The following ADH1A variants were observed in gnomAD, a reference collection of about 807,000 sequenced individuals.
ADH1A encodes the protein alcohol dehydrogenase 1A (class I), alpha polypeptide, also known as alcohol dehydrogenase 1A.
In ADH1A, 29 loss-of-function variants were observed where a neutral mutation model predicts 35.2. That is an observed-to-expected ratio of 0.82 (90% confidence interval 0.61 to 1.12). ADH1A has a LOEUF of 1.12. Among genes scored for constraint, ADH1A ranks in the 50% most tolerant of loss-of-function variants. The pLI is 0.00. For missense variants in ADH1A, 469 were observed against 464.7 expected, an observed-to-expected ratio of 1.01 and a Z score of -0.09; for synonymous variants, 147 against 164.8, an observed-to-expected ratio of 0.89 and a Z score of 0.83.
At chr4:99,287,272 A>C (rs1017985264) in intron 2 of ADH1A, among the ~76,000 whole-genome samples, 1 of 152,196 alleles carries the variant, frequency 6.6e-6, no homozygotes, top group African/African-American at 2.4e-5. Flanking sequence ...TTTAAAAAAT[A>C]GAAGTAGAAG....
chr4:99,288,334 T>TGG (rs1170117360), intron 1 of ADH1A, among the ~76,000 whole-genome samples: 1 of 133,144 alleles, frequency 7.5e-6, no homozygotes, highest in South Asian at 2.2e-4. Context: ...AGGTTAGAGT[T>TGG]GGGTGTGTGT....
rs1579491859 is a variant in ADH1A at position 99,284,024 on chromosome 4, A to C, written c.567+375T>G. Among the ~76,000 whole-genome samples, 6 of 152,284 alleles carry C rather than the reference A, an allele frequency of 3.9e-5. 1 individual carries two copies. In the South Asian group the frequency reaches 1.2e-3, roughly 32 times the overall value. On this transcript the variant is annotated intron_variant, in intron 5 of 8. Transcript: ENST00000209668. ...GCTGCTCCTCAAGGGCAAACGCTTC[A>C]TTTCATTTACTTTTGCTGTCAGAGC...
chr4:99,280,360 C>T, intron 6 of ADH1A, 81 bp from the exon 7 acceptor site: 1 of 1,591,938 alleles, frequency 6.3e-7, no homozygotes, highest in South Asian at 1.1e-5. Context: ...ATGTAATAGG[C>T]TTAACTGGAT....
intron 8 of ADH1A, among the ~76,000 whole-genome samples, chr4:99,277,968 T>C (rs756917131): frequency 4.6e-5 from 7 of 152,068 alleles, no homozygotes; most frequent in Non-Finnish European, 1.0e-4. Flanking sequence ...TATTACCAAA[T>C]TGCTTTCCCA....
At chr4:99,286,156 A>G (rs2110610169) in intron 3 of ADH1A, among the ~76,000 whole-genome samples, 1 of 152,314 alleles carries the variant, frequency 6.6e-6, no homozygotes, top group South Asian at 2.1e-4. Flanking sequence ...TTTATGTGAA[A>G]ATGATAGTAT....
In ADH1A at chr4:99,284,490, G is replaced by A. The variant is rs1733093062; in HGVS notation, c.476C>T (p.Ala159Val). The A allele has an allele frequency of 6.2e-7, 1 of 1,614,096 alleles. No individual in the cohort carries two copies. The highest frequency in any genetic ancestry group is 8.5e-7 in the Non-Finnish European group (1 of 1,180,036). ...TAGAGGCGAGGCTGCATCAATTTTG[G>A]CTACTGCATTTTCATCCACCACTGT... ...QYTVVDENAVAKIDAASPLEK... is the reference protein window; with the variant it reads ...QYTVVDENAVVKIDAASPLEK... The change falls in exon 5 of 9, where the codon GCC (alanine) becomes GTC (valine). Residue 159 changes from alanine to valine, a missense_variant. By Grantham distance (64) the Ala-to-Val change is moderately conservative. Transcript: ENST00000209668.
rs528431396 is a variant in ADH1A, at chr4:99,287,592, G to A, written c.92C>T (p.Pro31Leu). ...PFSIEEVEVA[P>L]PKAHEVRIKM... ...AATACGAACTTCATGGGCCTTAGGA[G>A]GTGCAACCTCCACCTCCTCAATGGA... The change falls in exon 2 of 9, where the codon CCT becomes CTT. Residue 31 changes from proline (P) to leucine (L), a missense_variant. Coordinates refer to ENST00000209668, the MANE Select transcript of ADH1A (RefSeq NM_000667.4). 5.6e-6 allele frequency: 9 copies of A among 1,613,632 alleles called. No individual in the cohort carries two copies. Among genetic ancestry groups the A allele is most frequent in the Non-Finnish European group, 4.2e-6 (5 of 1,179,800 alleles).
At chr4:99,276,756 C>T (rs760196510) in intron 8 of ADH1A, 108 bp from the exon 9 acceptor site, 1 of 1,042,010 alleles carries the variant, frequency 9.6e-7, no homozygotes, top group Non-Finnish European at 1.5e-6. Flanking sequence ...TTCTCAGCCA[C>T]TCTAATCCCA....
At chr4:99,279,687 T>A in intron 7 of ADH1A, 123 bp from the exon 8 acceptor site, 1 of 1,179,644 alleles carries the variant, frequency 8.5e-7, no homozygotes, top group African/African-American at 1.6e-5. Flanking sequence ...CGACTGAGGT[T>A]AATAAGAGAT....
intron 3 of ADH1A, chr4:99,286,612 G>A: frequency 1.9e-6 from 1 of 534,280 alleles, no homozygotes; most frequent in South Asian, 3.3e-5. Flanking sequence ...CTCCAACCTG[G>A]TGACTGGCAT....
At chr4:99,279,996 T>C (rs947573004) in intron 7 of ADH1A, 148 bp downstream of exon 7, 1 of 1,160,532 alleles carries the variant, frequency 8.6e-7, no homozygotes, top group Non-Finnish European at 1.3e-6. Context: ...CCTGCATTAG[T>C]TCCATATCTA....
chr4:99,278,633 G>A (rs2110602437), intron 8 of ADH1A: 1 of 152,232 alleles, frequency 6.6e-6, no homozygotes, highest in East Asian at 1.9e-4. Flanking sequence ...ACTATTAAAA[G>A]TTGAAAATCT....
intron 3 of ADH1A, among the ~76,000 whole-genome samples, chr4:99,286,441 A>G (rs765678060): frequency 2.5e-4 from 38 of 152,172 alleles, no homozygotes; most frequent in Middle Eastern, 3.2e-3. Flanking sequence ...TGAACTCAGC[A>G]CAGAACAATG....
At chr4:99,280,978 T>C (rs1281096502) in intron 6 of ADH1A, among the ~76,000 whole-genome samples, 2 of 152,176 alleles carry the variant, frequency 1.3e-5, no homozygotes, top group African/African-American at 4.8e-5. Flanking sequence ...GATTAGTTCT[T>C]TGATTTTGGA....
rs529963118 is a variant in ADH1A, at chr4:99,286,407, C to T, written c.259+443G>A. Among the ~76,000 whole-genome samples the T allele has an allele frequency of 9.9e-5, 15 of 152,226 alleles. No individual in the cohort carries two copies. The East Asian group carries it at 2.5e-3, about 26-fold the overall frequency. On this transcript the variant is annotated intron_variant, in intron 3 of 8. Coordinates refer to ENST00000209668, the MANE Select transcript of ADH1A (RefSeq NM_000667.4). Reference sequence around the variant, plus strand: ...TAAGAAAAGGTCATGCTCATTCAGCCGTAGCCATGTAGCGTCCATTTTGTG... The same window carrying T: ...TAAGAAAAGGTCATGCTCATTCAGCTGTAGCCATGTAGCGTCCATTTTGTG...
chr4:99,288,230 A>G (rs919098392), intron 1 of ADH1A, among the ~76,000 whole-genome samples: 4 of 151,926 alleles, frequency 2.6e-5, no homozygotes, highest in Non-Finnish European at 5.9e-5. Context: ...ACTTGTTCCA[A>G]CACCCATTTG....
chr4:99,280,027 T>C lies in ADH1A; in HGVS notation c.964+117A>G, dbSNP rs1307198638. The C allele has an allele frequency of 4.1e-6, 6 of 1,448,484 alleles. No individual in the cohort carries two copies. The Admixed American group carries it at 8.7e-5, about 21-fold the overall frequency. The allele number at this position is 1,448,484 out of a possible 1,614,324, so 89.7% of individuals were successfully genotyped here. ...ATCTAGTTGATTTGGAGACTGTAGA[T>C]AGAAAAGGAATTTTAATTTGTTTTT... On this transcript the variant is annotated intron_variant, in intron 7 of 8. Transcript: ENST00000209668.
In ADH1A at chr4:99,286,021, C is replaced by CAAAAAAA. The variant is rs397938892; in HGVS notation, c.259+822_259+828dup. On this transcript the variant is annotated intron_variant, in intron 3 of 8. Transcript: ENST00000209668. ...TGGGCGACAGAGCGAGACTCCGTCT[C>CAAAAAAA]AAAAAAAAAAAAAAAAAAAAGTGAT... is the stretch of plus-strand genomic sequence containing the variant. Among the ~76,000 whole-genome samples, 85 of 85,070 alleles carry CAAAAAAA rather than the reference C, an allele frequency of 1.0e-3. 1 individual carries two copies. Among genetic ancestry groups the CAAAAAAA allele is most frequent in the Non-Finnish European group, 1.3e-3 (61 of 45,456 alleles). The allele number at this position is 85,070 out of a possible 152,430, so 55.8% of individuals were successfully genotyped here. A position where few individuals can be genotyped will look rare whatever the true frequency, so the allele number is the denominator to read the frequency against.
At chr4:99,290,873 A>T (rs1175077296) in intron 1 of ADH1A, 24 bp downstream of exon 1, 1 of 1,607,174 alleles carries the variant, frequency 6.2e-7, no homozygotes, top group Non-Finnish European at 8.5e-7. Flanking sequence ...ATATAGTTCC[A>T]ACAGTAATAT....
Sources: allele counts gnomAD v4.1 joint callset (sites outside exome capture counted in the v4.1 genomes callset), GRCh38; gene constraint gnomAD v4.1.1; transcripts MANE v1.5; gene names NCBI Gene and HGNC (gene_info 2026-07-23, HGNC 2026-07-21).